The following PLEKHA2 variants were observed in gnomAD, a reference collection of about 807,000 sequenced individuals.
The protein encoded by PLEKHA2 is pleckstrin homology domain containing A2.
In PLEKHA2, 28 loss-of-function variants were observed where a neutral mutation model predicts 53.2. The ratio of observed to expected loss-of-function variants is 0.53; its 90% confidence interval spans 0.39 to 0.72. The LOEUF is 0.72. PLEKHA2 is among the 30% of genes least tolerant of loss of function. The pLI, the probability that PLEKHA2 is intolerant of heterozygous loss-of-function variation, is 0.00. For synonymous variants in PLEKHA2, 193 were observed against 196.4 expected (o/e 0.98, Z 0.14); for missense variants, 426 against 537.9 (o/e 0.79, Z 2.06).
chr8:38,935,961 G>A (rs575767928), intron 2 of PLEKHA2, 33 bp from the exon 3 acceptor site: 1 of 1,607,354 alleles, frequency 6.2e-7, no homozygotes, highest in African/African-American at 1.3e-5. Flanking sequence ...TGTTTCCACA[G>A]CCTTCTTAAA....
At chr8:38,967,227 T>C (rs1438611394) in intron 10 of PLEKHA2, among the ~76,000 whole-genome samples, 1 of 152,248 alleles carries the variant, frequency 6.6e-6, no homozygotes, top group African/African-American at 2.4e-5. Flanking sequence ...GACCTTACTA[T>C]TGTGAATATT....
At chr8:38,967,664 C>CTTT (rs1300367568) in intron 10 of PLEKHA2, among the ~76,000 whole-genome samples, 1 of 142,004 alleles carries the variant, frequency 7.0e-6, no homozygotes, top group Non-Finnish European at 1.5e-5. Flanking sequence ...CCTTTGCTCA[C>CTTT]TTTTTTTTTT....
In PLEKHA2 at chr8:38,969,539, G is replaced by T. The variant is rs746593372; in HGVS notation, c.1034G>T (p.Cys345Phe). The change falls in exon 12 of 12, where the codon TGC becomes TTC. Residue 345 changes from cysteine to phenylalanine, a missense_variant. Physicochemically the swap from Cys to Phe is radical, Grantham distance 205. Coordinates refer to ENST00000617275, the MANE Select transcript of PLEKHA2 (RefSeq NM_021623.2). ...RPPLEEKKALCKAPSVASSWQ... is the reference protein window; with the variant it reads ...RPPLEEKKALFKAPSVASSWQ... ...CCTTTGGAGGAAAAGAAAGCCCTCT[G>T]CAAAGCCCCCTCTGTGGCCTCCTCC... is the stretch of plus-strand genomic sequence containing the variant. 1.2e-6 allele frequency: 2 copies of T among 1,612,866 alleles called. No homozygotes were observed. Among genetic ancestry groups the T allele is most frequent in the African/African-American group, 2.7e-5 (2 of 75,012 alleles).
rs1204957257 is a variant in PLEKHA2, at chr8:38,970,834, T to A, written c.*1051T>A. The A allele has an allele frequency of 6.6e-6, 1 of 152,122 alleles. No homozygotes were observed. Among genetic ancestry groups the A allele is most frequent in the African/African-American group, 2.4e-5 (1 of 41,396 alleles). The allele number at this position is 152,122 out of a possible 1,614,324, so 9.4% of individuals were successfully genotyped here. On this transcript the variant is annotated 3_prime_UTR_variant, in exon 12 of 12. Coordinates refer to ENST00000617275, the MANE Select transcript of PLEKHA2 (RefSeq NM_021623.2). ...AGAAAATTGAGTGTCCCACCCAAAT[T>A]TTAGGGCGTACCTCCTTCCATTTGA...
chr8:38,922,785 T>C lies in PLEKHA2; in HGVS notation c.141+4715T>C, dbSNP rs1834215591. ...ATGTACCAGCTATGGTGTGAAATGC[T>C]TTTACATGTGTTACCCCATGGAACC... is the stretch of plus-strand genomic sequence containing the variant. On this transcript the variant is annotated intron_variant, in intron 2 of 11. Transcript: ENST00000617275. The surrounding 1 kb of genome is among the most constrained non-coding windows in gnomAD (Gnocchi z 4.0). 6.6e-6 allele frequency among the ~76,000 whole-genome samples: 1 copy of C among 152,206 alleles called. No homozygotes were observed. Among genetic ancestry groups the C allele is most frequent in the Admixed American group, 6.5e-5 (1 of 15,286 alleles).
At chr8:38,918,738 GCACACGCACACACCATACACACACATGCA>G (rs1834126072) in intron 2 of PLEKHA2, among the ~76,000 whole-genome samples, 2 of 129,008 alleles carry the variant, frequency 1.6e-5, no homozygotes, top group South Asian at 5.2e-4. Flanking sequence ...AGACACATGC[GCACACGCACACACCATACACACACATGCA>G]CACACACATA....
chr8:38,944,976 G>A (rs1211980508), intron 4 of PLEKHA2, among the ~76,000 whole-genome samples: 2 of 152,202 alleles, frequency 1.3e-5, no homozygotes, highest in African/African-American at 2.4e-5. Context: ...GACGCAGATG[G>A]CAGTGCCAGG....
chr8:38,925,782 A>G (rs1330785170), intron 2 of PLEKHA2, among the ~76,000 whole-genome samples: 1 of 152,270 alleles, frequency 6.6e-6, no homozygotes, highest in African/African-American at 2.4e-5. Context: ...CACATAATGT[A>G]TAATGGACAA....
chr8:38,911,206 C>T (rs577064113), intron 1 of PLEKHA2, among the ~76,000 whole-genome samples: 1 of 151,504 alleles, frequency 6.6e-6, no homozygotes, highest in African/African-American at 2.4e-5. Flanking sequence ...CATCTAGAGA[C>T]AGGGGTATCT....
Position 38,925,595 on chromosome 8 carries a change from C to G in PLEKHA2, c.141+7525C>G, listed in dbSNP as rs956482999. Reference sequence around the variant, plus strand: ...AAATAACCAAAAAGATTGCATGGCTCTTAGTACTCCTGGGGTGCCAATGAA... The same window carrying G: ...AAATAACCAAAAAGATTGCATGGCTGTTAGTACTCCTGGGGTGCCAATGAA... On this transcript the variant is annotated intron_variant, in intron 2 of 11. Transcript: ENST00000617275. Among the ~76,000 whole-genome samples the G allele has an allele frequency of 2.6e-5, 4 of 152,178 alleles. 1 individual carries two copies. Among genetic ancestry groups the G allele is most frequent in the African/African-American group, 9.7e-5 (4 of 41,436 alleles).
At chr8:38,952,455 G>T in intron 7 of PLEKHA2, 143 bp downstream of exon 7, 1 of 1,390,168 alleles carries the variant, frequency 7.2e-7, no homozygotes, top group South Asian at 1.4e-5. Flanking sequence ...GAGATTTTGG[G>T]ACTGACCTTT....
chr8:38,951,768 G>A (rs1294706702), intron 6 of PLEKHA2, among the ~76,000 whole-genome samples: 6 of 152,068 alleles, frequency 3.9e-5, no homozygotes, highest in Admixed American at 3.9e-4. Context: ...GTGCAGTGGT[G>A]CAATCATGGC....
chr8:38,935,579 C>T (rs1834479007), intron 2 of PLEKHA2, among the ~76,000 whole-genome samples: 1 of 151,940 alleles, frequency 6.6e-6, no homozygotes, highest in African/African-American at 2.4e-5. Context: ...CCTCCATACC[C>T]AGCTAATTTT....
chr8:38,935,849 A>G, intron 2 of PLEKHA2, 145 bp from the exon 3 acceptor site: 3 of 686,056 alleles, frequency 4.4e-6, no homozygotes, highest in Non-Finnish European at 7.8e-6. Context: ...ACTGTTTCAC[A>G]GGTGAGGAAT....
chr8:38,933,741 T>A (rs557158430), intron 2 of PLEKHA2, among the ~76,000 whole-genome samples: 8 of 127,774 alleles, frequency 6.3e-5, no homozygotes, highest in African/African-American at 2.4e-4. Flanking sequence ...ATTTAAGGGC[T>A]ATAAGGCCTG....
chr8:38,960,423 T>G (rs1178592080), intron 10 of PLEKHA2, among the ~76,000 whole-genome samples: 3 of 152,220 alleles, frequency 2.0e-5, no homozygotes, highest in East Asian at 3.9e-4. Flanking sequence ...AAGTTGCAGT[T>G]AGCTATGATC....
chr8:38,948,085 C>CAAAA (rs386412587), intron 5 of PLEKHA2, among the ~76,000 whole-genome samples: 1,209 of 118,920 alleles, frequency 0.01, 24 homozygotes, highest in African/African-American at 0.032. Flanking sequence ...GACTCCATCT[C>CAAAA]AAAAAAAAAA....
rs182137386 is a variant in PLEKHA2, at chr8:38,944,777, T to C, written c.247+940T>C. 5.4e-3 allele frequency among the ~76,000 whole-genome samples: 826 copies of C among 152,272 alleles called. 8 individuals carry two copies. Among genetic ancestry groups the C allele is most frequent in the African/African-American group, 0.019 (792 of 41,560 alleles). On this transcript the variant is annotated intron_variant, in intron 4 of 11. Coordinates refer to ENST00000617275, the MANE Select transcript of PLEKHA2 (RefSeq NM_021623.2). ...ATTTGGGTAGGGACACAGATTTGGG[T>C]GGGGACAGAGATCCAAACCATATCA...
chr8:38,921,197 G>A (rs558058657), intron 2 of PLEKHA2, among the ~76,000 whole-genome samples: 121 of 152,312 alleles, frequency 7.9e-4, no homozygotes, highest in Non-Finnish European at 1.5e-3. Context: ...TGAGCCCTGG[G>A]TGACTTATGG....
Sources: gnomAD v4.1 joint callset for allele counts (sites outside exome capture counted in the v4.1 genomes callset) on GRCh38, gnomAD v4.1.1 for gene constraint, Gnocchi (gnomAD v3.1) non-coding constraint, MANE v1.5 for transcripts, NCBI Gene and HGNC (gene_info 2026-07-23, HGNC 2026-07-21) for gene names.